The following GALNT5 variants were observed in gnomAD, a reference collection of about 807,000 sequenced individuals.
GALNT5 encodes the protein polypeptide N-acetylgalactosaminyltransferase 5.
A neutral mutation model predicts 85.4 loss-of-function variants in GALNT5; 72 were observed. The ratio of observed to expected loss-of-function variants is 0.84; its 90% CI spans 0.70 to 1.03. GALNT5 has a LOEUF of 1.03. Ranked by LOEUF, GALNT5 falls within the 50% of genes least tolerant of loss-of-function variation. The pLI is 0.00. For missense variants in GALNT5, 1,137 were observed against 1,135.5 expected (o/e 1.00, Z -0.02); for synonymous variants, 404 against 397.0 (o/e 1.02, Z -0.21).
At position 157,306,140 on chromosome 2, in the gene GALNT5, G is replaced by A. The variant is rs545677648; in HGVS notation, c.2520+311G>A. Among the ~76,000 whole-genome samples, 473 of 152,300 alleles carry A rather than the reference G, an allele frequency of 3.1e-3. 2 individuals carry two copies. Among genetic ancestry groups the A allele is most frequent in the African/African-American group, 0.01 (432 of 41,568 alleles). On this transcript the variant is annotated intron_variant, in intron 8 of 9. Coordinates refer to ENST00000259056, the MANE Select transcript of GALNT5 (RefSeq NM_014568.3). Reference sequence around the variant, plus strand: ...AATCATGCCTACTTTTAGAACTGGTGTGAGGCTGGAGTTAGGTAATACATA... The same window carrying A: ...AATCATGCCTACTTTTAGAACTGGTATGAGGCTGGAGTTAGGTAATACATA...
At chr2:157,294,449 CAA>C (rs1683165649) in intron 3 of GALNT5, among the ~76,000 whole-genome samples, 1 of 152,162 alleles carries the variant, frequency 6.6e-6, no homozygotes, top group African/African-American at 2.4e-5. Flanking sequence ...CAGAGTCGAG[CAA>C]AGTGTCTTCA....
chr2:157,289,383 G>T (rs948615781), intron 3 of GALNT5, among the ~76,000 whole-genome samples: 1 of 152,132 alleles, frequency 6.6e-6, no homozygotes, highest in Non-Finnish European at 1.5e-5. Context: ...TTTTGACAAT[G>T]GCTTGTGTAG....
rs774573979 is a variant in GALNT5 at position 157,258,947 on chromosome 2, A to G, written c.865A>G (p.Arg289Gly). 6.5e-7 allele frequency: 1 copy of G among 1,530,978 alleles called. No individual in the cohort carries two copies. Among genetic ancestry groups the G allele is most frequent in the Non-Finnish European group, 8.8e-7 (1 of 1,142,450 alleles). 94.8% of individuals were successfully genotyped at this position (1,530,978 alleles called of 1,614,324 possible). ...PKFTVNSNRL[R>G]KQSINETPLG... ...GTTCACTGTCAATTCAAATCGCTTAAGGAAGCAATCTATTAATGAGACACC... is the reference window on the plus strand; with the variant it reads ...GTTCACTGTCAATTCAAATCGCTTAGGGAAGCAATCTATTAATGAGACACC... Residue 289 changes from arginine to glycine, a missense_variant, in exon 1 of 10, where the codon AGG becomes GGG. Physicochemically the swap from Arg to Gly is moderately radical, Grantham distance 125 (BLOSUM62 -2). Coordinates refer to ENST00000259056, the MANE Select transcript of GALNT5 (RefSeq NM_014568.3).
chr2:157,278,137 T>G (rs1237743896), intron 1 of GALNT5, among the ~76,000 whole-genome samples: 1 of 152,248 alleles, frequency 6.6e-6, no homozygotes, highest in Non-Finnish European at 1.5e-5. Context: ...TTTAAGAATG[T>G]TGAATTTTGG....
rs1558908955 is a variant in GALNT5, at chr2:157,315,535, G to C, written c.*4187G>C. Among the ~76,000 whole-genome samples the C allele has an allele frequency of 6.6e-6, 1 of 151,898 alleles. No homozygotes were observed. The highest frequency in any genetic ancestry group is 1.5e-5 in the Non-Finnish European group (1 of 67,986). ...AGATGAGATTGAATTAAACCCCTTT[G>C]GCCTCTTTTGGATGTTGTATAAACA... is the stretch of plus-strand genomic sequence containing the variant. On this transcript the variant is annotated 3_prime_UTR_variant, in exon 10 of 10. Transcript: ENST00000259056.
At chr2:157,282,502 T>C (rs905321349) in intron 1 of GALNT5, among the ~76,000 whole-genome samples, 2 of 152,204 alleles carry the variant, frequency 1.3e-5, no homozygotes, top group Admixed American at 1.3e-4. Flanking sequence ...AGGAAACCAT[T>C]GAAATTATGA....
At chr2:157,301,563 A>T (rs1403691226) in intron 7 of GALNT5, 1 of 155,362 alleles carries the variant, frequency 6.4e-6, no homozygotes, top group African/African-American at 2.4e-5. Context: ...AGCACTGGAA[A>T]GAAGACGAAT....
chr2:157,297,644 G>A (rs1211717529), intron 5 of GALNT5, among the ~76,000 whole-genome samples: 1 of 152,204 alleles, frequency 6.6e-6, no homozygotes, highest in East Asian at 1.9e-4. Flanking sequence ...GTTCTGGATA[G>A]TCTAGTAGGA....
Position 157,300,740 on chromosome 2 carries a change from A to G in GALNT5, c.2180A>G (p.Asn727Ser), listed in dbSNP as rs766353321. ...PCSRVGHIFRNDNPYSFPKDR... is the reference protein window; with the variant it reads ...PCSRVGHIFRSDNPYSFPKDR... ...TCCCGAGTGGGCCATATATTCAGAA[A>G]TGACAATCCATATTCCTTCCCCAAA... is the stretch of plus-strand genomic sequence containing the variant. Residue 727 changes from asparagine (N) to serine (S), a missense_variant, in exon 7 of 10, where the codon AAT (asparagine) becomes AGT (serine). Transcript: ENST00000259056. The G allele has an allele frequency of 3.1e-6, 5 of 1,614,118 alleles. No homozygotes were observed. Among genetic ancestry groups the G allele is most frequent in the Non-Finnish European group, 2.5e-6 (3 of 1,179,958 alleles).
chr2:157,315,844 T>C lies in GALNT5; in HGVS notation c.*4496T>C, dbSNP rs1683690537. 1.3e-5 allele frequency among the ~76,000 whole-genome samples: 2 copies of C among 152,004 alleles called. No individual in the cohort carries two copies. The highest frequency in any genetic ancestry group is 2.4e-5 in the African/African-American group (1 of 41,370). On this transcript the variant is annotated 3_prime_UTR_variant, in exon 10 of 10. Coordinates refer to ENST00000259056, the MANE Select transcript of GALNT5 (RefSeq NM_014568.3). ...CACAGACACACATGAGGAGTGGGTT[T>C]AGGAGTGGAAAGTTTAATAGATAAA... is the stretch of plus-strand genomic sequence containing the variant.
At position 157,286,074 on chromosome 2, in the gene GALNT5, C is replaced by T. The variant is rs758078817; in HGVS notation, c.1681C>T (p.Arg561Cys). ...CCAGTTTCCAAAAGTTCGGATTCTT[C>T]GCCTCAAAGAGAGACATGGCTTAAT... ...MSQFPKVRIL[R>C]LKERHGLIRA... The change falls in exon 3 of 10, where the codon CGC becomes TGC. Residue 561 changes from arginine (R) to cysteine (C), a missense_variant. By Grantham distance (180) the Arg-to-Cys change is radical. Transcript: ENST00000259056. 23 of 1,609,754 alleles carry T rather than the reference C, an allele frequency of 1.4e-5. No homozygotes were observed. The highest frequency in any genetic ancestry group is 6.7e-5 in the East Asian group (3 of 44,830).
chr2:157,285,527 C>T (rs1000461081), intron 2 of GALNT5, among the ~76,000 whole-genome samples: 6 of 152,270 alleles, frequency 3.9e-5, no homozygotes, highest in Middle Eastern at 3.4e-3. Flanking sequence ...GTTCCTTTAG[C>T]TGGATCCCTC....
At position 157,299,528 on chromosome 2, in the gene GALNT5, A is replaced by G. The variant is rs755110558; in HGVS notation, c.1998-20A>G. 1.6e-5 allele frequency: 23 copies of G among 1,475,734 alleles called. No homozygotes were observed. The highest frequency in any genetic ancestry group is 2.2e-5 in the Non-Finnish European group (23 of 1,057,384). The allele number at this position is 1,475,734 out of a possible 1,614,324, so 91.4% of individuals were successfully genotyped here. A position where few individuals can be genotyped will look rare whatever the true frequency, so the allele number is the denominator to read the frequency against. On this transcript the variant is annotated intron_variant, in intron 5 of 9. Coordinates refer to ENST00000259056, the MANE Select transcript of GALNT5 (RefSeq NM_014568.3). ...CTTTCATGAGATGCAAGTTTAAAAA[A>G]CAAACTTTTCTTTTTGTAGGTGCCC...
At chr2:157,284,216 A>G (rs1490865197) in intron 1 of GALNT5, 66 bp from the exon 2 acceptor site, 1 of 1,374,540 alleles carries the variant, frequency 7.3e-7, no homozygotes, top group Non-Finnish European at 1.0e-6. Flanking sequence ...GCACTCTGTG[A>G]CTTTTAAAAC....
chr2:157,258,451 T>C lies in GALNT5; in HGVS notation c.369T>C (p.Val123=), dbSNP rs749495106. The change falls in exon 1 of 10, where the codon GTT becomes GTC. Residue 123 remains valine, a synonymous_variant. Coordinates refer to ENST00000259056, the MANE Select transcript of GALNT5 (RefSeq NM_014568.3). ...KMQNALGRGK[V]VPLWHPAHLQ... The stretch of plus-strand genomic sequence containing the variant: ...AGAATGCCCTGGGAAGGGGCAAGGT[T>C]GTGCCGTTGTGGCATCCTGCACATC... 3.1e-5 allele frequency: 50 copies of C among 1,606,038 alleles called. No homozygotes were observed. Among genetic ancestry groups the C allele is most frequent in the Non-Finnish European group, 4.1e-5 (48 of 1,177,196 alleles).
rs1682867703 is a variant in GALNT5 at position 157,282,080 on chromosome 2, G to T, written c.1455-2202G>T. On this transcript the variant is annotated intron_variant, in intron 1 of 9. Coordinates refer to ENST00000259056, the MANE Select transcript of GALNT5 (RefSeq NM_014568.3). ...AGAAGTGCTAATGCATGGATCCTTA[G>T]TGTAGACTAATATTAGTTTAGACAG... Among the ~76,000 whole-genome samples, 4 of 152,300 alleles carry T rather than the reference G, an allele frequency of 2.6e-5. No individual in the cohort carries two copies. The South Asian group carries it at 8.3e-4, about 32-fold the overall frequency.
rs1415542604 is a variant in GALNT5 at position 157,258,274 on chromosome 2, A to G, written c.192A>G (p.Gly64=). 6.2e-7 allele frequency: 1 copy of G among 1,602,930 alleles called. No individual in the cohort carries two copies. The highest frequency in any genetic ancestry group is 8.5e-7 in the Non-Finnish European group (1 of 1,175,980). The change falls in exon 1 of 10, where the codon GGA becomes GGG. Residue 64 remains glycine (G), a synonymous_variant. Coordinates refer to ENST00000259056, the MANE Select transcript of GALNT5 (RefSeq NM_014568.3). Reference sequence around the variant, plus strand: ...GATTCAGAGTTCAGCCAGACCAAGGAAAAATTTTTTACAGCAGCATAAAAG... The same window carrying G: ...GATTCAGAGTTCAGCCAGACCAAGGGAAAATTTTTTACAGCAGCATAAAAG... The part of the protein sequence containing the change: ...RIGFRVQPDQ[G]KIFYSSIKEM...
At chr2:157,302,194 C>A (rs1249605536) in intron 7 of GALNT5, 1 of 152,130 alleles carries the variant, frequency 6.6e-6, no homozygotes, top group Non-Finnish European at 1.5e-5. Context: ...CCTTTTAGGC[C>A]AAATTTTTTC....
At chr2:157,267,254 C>T (rs1682475767) in intron 1 of GALNT5, among the ~76,000 whole-genome samples, 1 of 152,070 alleles carries the variant, frequency 6.6e-6, no homozygotes, top group South Asian at 2.1e-4. Flanking sequence ...TGCAGGAGAG[C>T]AATGAGGACG....
Sources: gnomAD v4.1 joint callset for allele counts (sites outside exome capture counted in the v4.1 genomes callset) on GRCh38, gnomAD v4.1.1 for gene constraint, MANE v1.5 for transcripts, NCBI Gene and HGNC (gene_info 2026-07-23, HGNC 2026-07-21) for gene names.